Variants in KIAA1217 observed in about 807,000 individuals in gnomAD.
The protein encoded by KIAA1217 is KIAA1217.
Under a neutral mutation model 163.9 loss-of-function variants are expected in KIAA1217, and 88 were observed. The ratio of observed to expected loss-of-function variants is 0.54; its 90% confidence interval spans 0.45 to 0.64. KIAA1217 has a LOEUF of 0.64. KIAA1217 is among the 30% of genes least tolerant of loss of function. The pLI, the probability that KIAA1217 is intolerant of heterozygous loss-of-function variation, is 0.00. For synonymous variants in KIAA1217, 903 were observed against 923.1 expected (o/e 0.98, Z 0.39); for missense variants, 2,372 against 2,475.0 (o/e 0.96, Z 0.88).
intron 1 of KIAA1217, among the ~76,000 whole-genome samples, chr10:23,764,492 T>C (rs1834416620): frequency 6.6e-6 from 1 of 152,188 alleles, no homozygotes; most frequent in Non-Finnish European, 1.5e-5. Flanking sequence ...AGACACATGC[T>C]GCATATGTTT....
At chr10:24,293,074 C>T (rs1316776245) in intron 2 of KIAA1217, among the ~76,000 whole-genome samples, 3 of 152,038 alleles carry the variant, frequency 2.0e-5, no homozygotes, top group African/African-American at 7.2e-5. Flanking sequence ...ACAGACTCTC[C>T]CTCTGTCGCC....
At chr10:24,092,017 G>A (rs2131686990) in intron 2 of KIAA1217, among the ~76,000 whole-genome samples, 1 of 151,796 alleles carries the variant, frequency 6.6e-6, no homozygotes, top group East Asian at 1.9e-4. Context: ...TTTATCAAAA[G>A]CCAGTCCCTC....
At position 24,006,185 on chromosome 10, in the gene KIAA1217, G is replaced by A. The variant is rs150854040; in HGVS notation, c.-320-1040G>A. ...TAGCCAATATTTTAAAAGTATAATA[G>A]CATGAGTATTTCAGGGTGAAAACTC... On this transcript the variant is annotated intron_variant, in intron 1 of 18. Transcript: ENST00000376462. 8.7e-4 allele frequency among the ~76,000 whole-genome samples: 133 copies of A among 152,216 alleles called. 2 individuals carry two copies. In the East Asian group the frequency reaches 0.023, roughly 26 times the overall value.
At chr10:24,406,392 AACACACACAC>A (rs34564889) in intron 3 of KIAA1217, among the ~76,000 whole-genome samples, 1 of 133,808 alleles carries the variant, frequency 7.5e-6, no homozygotes, top group Non-Finnish European at 1.5e-5. Flanking sequence ...TTCACACACA[AACACACACAC>A]ACACACACAC....
chr10:24,093,801 T>G (rs1164010843), intron 2 of KIAA1217, among the ~76,000 whole-genome samples: 1 of 66,010 alleles, frequency 1.5e-5, no homozygotes, highest in Non-Finnish European at 2.7e-5. Context: ...CCCTCCCCCC[T>G]CCCCCCACCC....
At chr10:24,352,829 G>A (rs1284917583) in intron 2 of KIAA1217, among the ~76,000 whole-genome samples, 6 of 152,060 alleles carry the variant, frequency 3.9e-5, no homozygotes, top group Non-Finnish European at 8.8e-5. Flanking sequence ...GAAAATATGA[G>A]TGACCTCGAC....
In KIAA1217 at chr10:24,363,169, G is replaced by A. The variant is rs115589046; in HGVS notation, c.355-17700G>A. On this transcript the variant is annotated intron_variant, in intron 2 of 20. Coordinates refer to ENST00000376454, the MANE Select transcript of KIAA1217 (RefSeq NM_019590.5). The stretch of plus-strand genomic sequence containing the variant: ...TAGCAAAAGAAATAAAATAAATATC[G>A]CTTGTCATTCAGACCGTTTGAAGTA... Among the ~76,000 whole-genome samples the A allele has an allele frequency of 6.5e-3, 987 of 152,180 alleles. 18 individuals are homozygous for A. The highest frequency in any genetic ancestry group is 0.023 in the African/African-American group (955 of 41,496).
At chr10:24,052,904 A>C (rs1004821483) in intron 2 of KIAA1217, among the ~76,000 whole-genome samples, 2 of 152,156 alleles carry the variant, frequency 1.3e-5, no homozygotes, top group African/African-American at 4.8e-5. Context: ...TTCTATAATC[A>C]CATAATACCA....
At chr10:23,927,325 G>GGGGTGTGT (rs71506821) in intron 1 of KIAA1217, among the ~76,000 whole-genome samples, 4 of 143,000 alleles carry the variant, frequency 2.8e-5, no homozygotes, top group East Asian at 2.1e-4. Context: ...CAAGTCATAG[G>GGGGTGTGT]GTGTGTGTGT....
intron 2 of KIAA1217, among the ~76,000 whole-genome samples, chr10:24,039,806 A>AGATATAGATATG (rs200941958): frequency 0.083 from 4,529 of 54,694 alleles, 91 homozygotes; most frequent in Middle Eastern, 0.29. Context: ...AGATAGATAT[A>AGATATAGATATG]GATATAGATA....
intron 19 of KIAA1217, among the ~76,000 whole-genome samples, 194 bp from the exon 20 acceptor site, chr10:24,544,787 C>T (rs1416368130): frequency 6.6e-6 from 1 of 152,138 alleles, no homozygotes; most frequent in Non-Finnish European, 1.5e-5. Flanking sequence ...CATTAAAATC[C>T]GTTTGATCAG....
chr10:24,090,634 A>C (rs551282256), intron 2 of KIAA1217, among the ~76,000 whole-genome samples: 1 of 151,738 alleles, frequency 6.6e-6, no homozygotes, highest in African/African-American at 2.4e-5. Flanking sequence ...AGGAGAAGTG[A>C]TCTTTAATCC....
At chr10:24,127,254 G>T (rs952473284) in intron 2 of KIAA1217, among the ~76,000 whole-genome samples, 2 of 151,904 alleles carry the variant, frequency 1.3e-5, no homozygotes, top group Non-Finnish European at 1.5e-5. Flanking sequence ...GGGGATTTGT[G>T]TTCCTTTGGA....
Position 24,017,439 on chromosome 10 carries a change from G to A in KIAA1217, c.-171+10065G>A, listed in dbSNP as rs75273674. Reference sequence around the variant, plus strand: ...GACTATAAAAAATTCCTTCCCCAATGTATTTCCTCTAGTTCCACACAGATG... The same window carrying A: ...GACTATAAAAAATTCCTTCCCCAATATATTTCCTCTAGTTCCACACAGATG... On this transcript the variant is annotated intron_variant, in intron 2 of 18. Transcript: ENST00000376462. Among the ~76,000 whole-genome samples the A allele has an allele frequency of 8.5e-3, 1,296 of 152,080 alleles. 19 individuals are homozygous for A. Among genetic ancestry groups the A allele is most frequent in the African/African-American group, 0.03 (1,227 of 41,492 alleles).
In KIAA1217 at chr10:24,546,293, C is replaced by A. The variant is rs1433228072; in HGVS notation, c.5801C>A (p.Ala1934Asp). The change falls in exon 21 of 21, where the codon GCC becomes GAC. Residue 1934 changes from alanine (A) to aspartate (D), a missense_variant. By Grantham distance (126) the Ala-to-Asp change is moderately radical. This residue lies in a region of KIAA1217 where 690 missense variants were observed against 677.5 expected (regional missense o/e 1.02). Transcript: ENST00000376454. ...GCACAGAATGGAAGTTCAAGCAAAGCCACCCCATCCACAGCAAAAGAAACC... is the reference window on the plus strand; with the variant it reads ...GCACAGAATGGAAGTTCAAGCAAAGACACCCCATCCACAGCAAAAGAAACC... The part of the protein sequence containing the change: ...YKAQNGSSSK[A>D]TPSTAKETS 1.2e-6 allele frequency: 2 copies of A among 1,607,246 alleles called. No homozygotes were observed. The highest frequency in any genetic ancestry group is 2.2e-5 in the South Asian group (2 of 90,186).
chr10:24,521,046 T>TG lies in KIAA1217; in HGVS notation c.2309-736_2309-735insG, dbSNP rs1395137882. 4.2e-4 allele frequency among the ~76,000 whole-genome samples: 61 copies of TG among 144,642 alleles called. No homozygotes were observed. The East Asian group carries it at 7.6e-3, about 18-fold the overall frequency. 94.9% of individuals were successfully genotyped at this position (144,642 alleles called of 152,430 possible). On this transcript the variant is annotated intron_variant, in intron 11 of 20. Transcript: ENST00000376454. ...ATCTCTAAAAAAAAAAAAAAAGTTTTTTTTTTTTTTTTTTTCTGGCCAGGC... is the reference window on the plus strand; with the variant it reads ...ATCTCTAAAAAAAAAAAAAAAGTTTTGTTTTTTTTTTTTTTTCTGGCCAGGC...
chr10:23,699,394 G>A (rs1036371568), intron 1 of KIAA1217, among the ~76,000 whole-genome samples: 12 of 152,074 alleles, frequency 7.9e-5, no homozygotes, highest in Admixed American at 4.6e-4. Flanking sequence ...CCCAGAAAAC[G>A]TTCTGTAGTT....
chr10:24,391,270 A>G (rs897513214), intron 3 of KIAA1217, among the ~76,000 whole-genome samples: 5 of 151,558 alleles, frequency 3.3e-5, no homozygotes, highest in Admixed American at 1.3e-4. Flanking sequence ...TGAGGAGGAA[A>G]CAGTCTTAGC....
chr10:24,360,040 C>CATTTTTT lies in KIAA1217; in HGVS notation c.355-20829_355-20828insATTTTTT, dbSNP rs55881849. On this transcript the variant is annotated intron_variant, in intron 2 of 20. Transcript: ENST00000376454. The stretch of plus-strand genomic sequence containing the variant: ...ACTGTGTATCTTTAGGATATAATTA[C>CATTTTTT]TTTTTTTTTTTTTTTTTTTTTTTTG... Among the ~76,000 whole-genome samples, 277 of 94,256 alleles carry CATTTTTT rather than the reference C, an allele frequency of 2.9e-3. 28 individuals carry two copies. The highest frequency in any genetic ancestry group is 6.7e-3 in the East Asian group (19 of 2,818). 61.8% of individuals were successfully genotyped at this position (94,256 alleles called of 152,430 possible).
Sources: gnomAD v4.1 joint callset for allele counts (sites outside exome capture counted in the v4.1 genomes callset) on GRCh38, gnomAD v4.1.1 for gene constraint, gnomAD v4.1.1 regional missense constraint, MANE v1.5 for transcripts, NCBI Gene and HGNC (gene_info 2026-07-23, HGNC 2026-07-21) for gene names.